Variants in AMPH observed in about 807,000 individuals in gnomAD.
AMPH encodes the protein amphiphysin.
Under a neutral mutation model 99.1 loss-of-function variants are expected in AMPH, and 49 were observed. The ratio of observed to expected loss-of-function variants is 0.49; its 90% confidence interval spans 0.39 to 0.63. AMPH has a LOEUF of 0.63. Among genes scored for constraint, AMPH ranks in the 20% least tolerant of loss-of-function variants. The probability of loss-of-function intolerance (pLI) is 0.00; values close to 1 mark genes in which losing one functional copy is unlikely to be tolerated. For synonymous variants in AMPH, 314 were observed against 317.3 expected, an observed-to-expected ratio of 0.99 and a Z score of 0.11; for missense variants, 759 against 863.4, an observed-to-expected ratio of 0.88 and a Z score of 1.52.
chr7:38,533,898 C>T (rs921610950), intron 2 of AMPH, among the ~76,000 whole-genome samples: 2 of 152,136 alleles, frequency 1.3e-5, no homozygotes, highest in South Asian at 2.1e-4. Context: ...CCAGCCCTTA[C>T]GTGTGTTACC....
chr7:38,491,944 C>T (rs1788735558), intron 4 of AMPH, among the ~76,000 whole-genome samples: 1 of 152,178 alleles, frequency 6.6e-6, no homozygotes, highest in African/African-American at 2.4e-5. Flanking sequence ...AACTAGACCT[C>T]CCTGAATTTC....
intron 17 of AMPH, among the ~76,000 whole-genome samples, chr7:38,408,441 A>T (rs1785114172): frequency 6.6e-6 from 1 of 152,220 alleles, no homozygotes. Context: ...AAAGATATCA[A>T]GAAGAGTTTG....
At chr7:38,404,617 A>G (rs1784932669) in intron 17 of AMPH, among the ~76,000 whole-genome samples, 1 of 152,192 alleles carries the variant, frequency 6.6e-6, no homozygotes, top group South Asian at 2.1e-4. Flanking sequence ...TCCTCAAGGG[A>G]AAAAAGAGTA....
At chr7:38,517,499 C>T (rs1049607043) in intron 2 of AMPH, among the ~76,000 whole-genome samples, 1 of 152,194 alleles carries the variant, frequency 6.6e-6, no homozygotes, top group Non-Finnish European at 1.5e-5. Context: ...ATCCATGCTT[C>T]CTGTTCAGCC....
chr7:38,534,430 T>G (rs1790523522), intron 2 of AMPH, among the ~76,000 whole-genome samples: 1 of 152,208 alleles, frequency 6.6e-6, no homozygotes, highest in African/African-American at 2.4e-5. Context: ...CCCAACACTT[T>G]GGGAGGCCTA....
At chr7:38,517,325 A>G (rs1439023259) in intron 2 of AMPH, among the ~76,000 whole-genome samples, 1 of 152,142 alleles carries the variant, frequency 6.6e-6, no homozygotes, top group Non-Finnish European at 1.5e-5. Flanking sequence ...CCCCCTTGCC[A>G]TTCTTGCCAT....
intron 1 of AMPH, among the ~76,000 whole-genome samples, chr7:38,575,447 A>C (rs1267173343): frequency 6.6e-6 from 1 of 152,140 alleles, no homozygotes; most frequent in African/African-American, 2.4e-5. Context: ...TGTAATCCCC[A>C]TGTGTTGGGG....
intron 10 of AMPH, among the ~76,000 whole-genome samples, chr7:38,462,112 A>G (rs886366077): frequency 2.6e-5 from 4 of 152,316 alleles, no homozygotes; most frequent in South Asian, 2.1e-4. Context: ...ATTATGTTCT[A>G]CAGTGTACTA....
chr7:38,447,200 G>T (rs1431658047), intron 11 of AMPH, among the ~76,000 whole-genome samples: 1 of 152,098 alleles, frequency 6.6e-6, no homozygotes, highest in Admixed American at 6.5e-5. Flanking sequence ...TGTATTTTTA[G>T]TAGAGACAGA....
intron 11 of AMPH, among the ~76,000 whole-genome samples, chr7:38,448,509 C>T (rs993429783): frequency 1.3e-5 from 2 of 152,116 alleles, no homozygotes; most frequent in Non-Finnish European, 2.9e-5. Flanking sequence ...TTGATGACAA[C>T]AGCTAACAGT....
intron 20 of AMPH, among the ~76,000 whole-genome samples, chr7:38,388,003 T>A (rs1261188107): frequency 6.6e-6 from 1 of 152,050 alleles, no homozygotes; most frequent in Non-Finnish European, 1.5e-5. Context: ...GATTTCTACC[T>A]TAGTGAAAGT....
chr7:38,558,433 T>C (rs1321173891), intron 1 of AMPH, among the ~76,000 whole-genome samples: 1 of 152,200 alleles, frequency 6.6e-6, no homozygotes, highest in Non-Finnish European at 1.5e-5. Context: ...GGTTTTATAC[T>C]GCATCTTTGC....
intron 2 of AMPH, among the ~76,000 whole-genome samples, chr7:38,524,585 T>C (rs925500360): frequency 1.3e-5 from 2 of 151,192 alleles, no homozygotes; most frequent in Admixed American, 1.3e-4. Flanking sequence ...TACTAATGGA[T>C]GGATGGATGG....
chr7:38,384,728 T>C lies in AMPH; in HGVS notation c.*90A>G. The C allele has an allele frequency of 9.4e-7, 1 of 1,061,374 alleles. No homozygotes were observed. Among genetic ancestry groups the C allele is most frequent in the Non-Finnish European group, 1.4e-6 (1 of 695,770 alleles). 65.7% of individuals were successfully genotyped at this position (1,061,374 alleles called of 1,614,324 possible). A position where few individuals can be genotyped will look rare whatever the true frequency, so the allele number is the denominator to read the frequency against. ...TGTCTGGCATCAGTCTGTAAATCAT[T>C]AAGAGCATAATAACAAAAGTGAACT... is the stretch of plus-strand genomic sequence containing the variant. On this transcript the variant is annotated 3_prime_UTR_variant, in exon 21 of 21. Transcript: ENST00000356264.
intron 1 of AMPH, among the ~76,000 whole-genome samples, chr7:38,626,348 T>C (rs929708407): frequency 2.0e-5 from 3 of 152,080 alleles, no homozygotes; most frequent in African/African-American, 7.2e-5. Flanking sequence ...AAAACAGATA[T>C]ATAGACCAAT....
intron 1 of AMPH, among the ~76,000 whole-genome samples, chr7:38,620,720 G>C (rs1167737966): frequency 6.6e-6 from 1 of 152,010 alleles, no homozygotes; most frequent in Non-Finnish European, 1.5e-5. Context: ...TTGGATTTCT[G>C]ATGGTTTAAA....
chr7:38,592,730 CA>C (rs397755917), intron 1 of AMPH, among the ~76,000 whole-genome samples: 22,014 of 98,558 alleles, frequency 0.22, 1,767 homozygotes, highest in Admixed American at 0.33. Flanking sequence ...GACTCCGTCT[CA>C]AAAAAAAAAA....
At chr7:38,397,377 T>C (rs1315655182) in intron 17 of AMPH, among the ~76,000 whole-genome samples, 2 of 152,222 alleles carry the variant, frequency 1.3e-5, no homozygotes, top group African/African-American at 2.4e-5. Context: ...GTAACTTGTC[T>C]CTAGATATCT....
chr7:38,456,373 T>G (rs1787233231), intron 11 of AMPH, among the ~76,000 whole-genome samples: 1 of 152,206 alleles, frequency 6.6e-6, no homozygotes, highest in African/African-American at 2.4e-5. Context: ...CTACCCAGCA[T>G]GTCACAACCA....
Sources: gnomAD v4.1 joint callset for allele counts (sites outside exome capture counted in the v4.1 genomes callset) on GRCh38, gnomAD v4.1.1 for gene constraint, MANE v1.5 for transcripts, NCBI Gene and HGNC (gene_info 2026-07-23, HGNC 2026-07-21) for gene names.